SNX30: variants seen among roughly 807,000 people sequenced by gnomAD.
SNX30 encodes the protein sorting nexin-30.
A neutral mutation model predicts 46.4 loss-of-function variants in SNX30; 24 were observed. The observed-to-expected ratio is 0.52, with a 90% CI of 0.37 to 0.73. The LOEUF is 0.73. Ranked by LOEUF, SNX30 falls within the 30% of genes least tolerant of loss-of-function variation. SNX30 has a pLI of 0.00. For synonymous variants in SNX30, 189 were observed against 211.5 expected, an observed-to-expected ratio of 0.89 and a Z score of 0.92; for missense variants, 533 against 555.7, an observed-to-expected ratio of 0.96 and a Z score of 0.41.
Position 112,864,336 on chromosome 9 carries a change from G to T in SNX30, c.1191G>T (p.Lys397Asn). The T allele has an allele frequency of 6.2e-7, 1 of 1,614,216 alleles. No homozygotes were observed. Among genetic ancestry groups the T allele is most frequent in the Non-Finnish European group, 8.5e-7 (1 of 1,180,032 alleles). The change falls in exon 8 of 9, where the codon AAG (lysine) becomes AAT (asparagine). Residue 397 changes from lysine (K) to asparagine (N), a missense_variant. Around this residue, in one of 3 missense-constraint regions of SNX30, gnomAD observed 261 missense variants for 270.9 expected, o/e 0.96. Coordinates refer to ENST00000374232, the MANE Select transcript of SNX30 (RefSeq NM_001012994.2). The stretch of plus-strand genomic sequence containing the variant: ...ACATGGAGAGGTGGCAGAACAACAA[G>T]AGGCAGGACTTCCGGCAGCTACTCA... ...KADMERWQNNKRQDFRQLLMG... is the reference protein window; with the variant it reads ...KADMERWQNNNRQDFRQLLMG...
intron 3 of SNX30, among the ~76,000 whole-genome samples, chr9:112,825,157 A>AT (rs1164206624): frequency 1.3e-5 from 2 of 152,192 alleles, no homozygotes; most frequent in Admixed American, 1.3e-4. Flanking sequence ...TTTTTGAGGA[A>AT]TTGTTCAAAC....
intron 1 of SNX30, among the ~76,000 whole-genome samples, chr9:112,784,964 G>C (rs1839898950): frequency 6.6e-6 from 1 of 152,192 alleles, no homozygotes; most frequent in South Asian, 2.1e-4. Context: ...ATAAGTGTTT[G>C]GATGAATACA....
At chr9:112,763,137 G>A (rs1321995540) in intron 1 of SNX30, among the ~76,000 whole-genome samples, 4 of 151,830 alleles carry the variant, frequency 2.6e-5, no homozygotes, top group Non-Finnish European at 5.9e-5. Flanking sequence ...TATGGGTGGG[G>A]CACTGACAGC....
At chr9:112,776,096 G>GT (rs1360316434) in intron 1 of SNX30, among the ~76,000 whole-genome samples, 1 of 151,896 alleles carries the variant, frequency 6.6e-6, no homozygotes, top group African/African-American at 2.4e-5. Flanking sequence ...GGTATTTTAT[G>GT]TTTTTTGTTT....
At position 112,804,810 on chromosome 9, in the gene SNX30, G is replaced by T. The variant is rs767985222; in HGVS notation, c.191G>T (p.Gly64Val). 5 of 1,613,076 alleles carry T rather than the reference G, an allele frequency of 3.1e-6. No homozygotes were observed. ...TTGCCCAACGGTGGTACTCCAGCAG[G>T]TACTTCAAGTCCAGCTTCTTCATCT... ...LILPNGGTPA[G>V]TSSPASSSSL... Residue 64 changes from glycine (G) to valine (V), a missense_variant, in exon 2 of 9, where the codon GGT becomes GTT. Coordinates refer to ENST00000374232, the MANE Select transcript of SNX30 (RefSeq NM_001012994.2).
intron 7 of SNX30, among the ~76,000 whole-genome samples, chr9:112,854,937 C>T (rs764821461): frequency 5.9e-5 from 9 of 152,206 alleles, no homozygotes; most frequent in Non-Finnish European, 1.0e-4. Flanking sequence ...AGGAGTCTCC[C>T]GTGTCCACAC....
chr9:112,797,313 A>T (rs1840122261), intron 1 of SNX30, among the ~76,000 whole-genome samples: 1 of 152,224 alleles, frequency 6.6e-6, no homozygotes, highest in South Asian at 2.1e-4. Context: ...CTACCCTCCT[A>T]CCCACTACTC....
At position 112,818,430 on chromosome 9, in the gene SNX30, A is replaced by G. The variant is rs183007499; in HGVS notation, c.459+615A>G. 1.1e-4 allele frequency among the ~76,000 whole-genome samples: 17 copies of G among 152,252 alleles called. 1 individual carries two copies. The East Asian group carries it at 2.5e-3, about 23-fold the overall frequency. ...TTTTTAGTAGAGATGGGGTTTTGCC[A>G]TATTGGCCAGGCTGGTCTCGAACTC... On this transcript the variant is annotated intron_variant, in intron 3 of 8. Coordinates refer to ENST00000374232, the MANE Select transcript of SNX30 (RefSeq NM_001012994.2).
At chr9:112,789,159 C>T (rs1348978617) in intron 1 of SNX30, among the ~76,000 whole-genome samples, 1 of 152,156 alleles carries the variant, frequency 6.6e-6, no homozygotes, top group Non-Finnish European at 1.5e-5. Context: ...AAGGTGCATT[C>T]TGTCTTTGTA....
Position 112,874,103 on chromosome 9 carries a change from G to A in SNX30, c.*5260G>A, listed in dbSNP as rs988769715. 3.9e-5 allele frequency: 6 copies of A among 152,232 alleles called. No individual in the cohort carries two copies. Among genetic ancestry groups the A allele is most frequent in the Non-Finnish European group, 7.3e-5 (5 of 68,038 alleles). 9.4% of individuals were successfully genotyped at this position (152,232 alleles called of 1,614,324 possible). On this transcript the variant is annotated 3_prime_UTR_variant, in exon 9 of 9. Coordinates refer to ENST00000374232, the MANE Select transcript of SNX30 (RefSeq NM_001012994.2). ...AACACTTCAGTCAGAAATGTTACTG[G>A]GAGGAGGAAAGGAAAATCACTTTTT...
intron 2 of SNX30, among the ~76,000 whole-genome samples, chr9:112,809,034 T>G (rs903201207): frequency 1.3e-5 from 2 of 152,046 alleles, no homozygotes; most frequent in Admixed American, 6.6e-5. Flanking sequence ...TCCAGGTCTC[T>G]CTGATTCTAA....
Position 112,851,663 on chromosome 9 carries a change from G to A in SNX30, c.1101+718G>A, listed in dbSNP as rs111813653. Among the ~76,000 whole-genome samples, 959 of 152,286 alleles carry A rather than the reference G, an allele frequency of 6.3e-3. 4 individuals are homozygous for A. The highest frequency in any genetic ancestry group is 0.022 in the African/African-American group (910 of 41,554). On this transcript the variant is annotated intron_variant, in intron 7 of 8. Transcript: ENST00000374232. ...AATTGTAATGGAGAAAGAGTAATTC[G>A]TGCAGAACTAGCTTACTGGACACTG...
At chr9:112,848,815 G>T (rs1840979634) in intron 6 of SNX30, among the ~76,000 whole-genome samples, 1 of 152,214 alleles carries the variant, frequency 6.6e-6, no homozygotes, top group Admixed American at 6.5e-5. Context: ...TCTGTTTTGG[G>T]CATGGGGAGA....
At chr9:112,763,625 T>C (rs1349552062) in intron 1 of SNX30, among the ~76,000 whole-genome samples, 1 of 151,078 alleles carries the variant, frequency 6.6e-6, no homozygotes, top group Admixed American at 6.6e-5. Flanking sequence ...CCGAGGAGGG[T>C]GGATCACGAG....
intron 2 of SNX30, among the ~76,000 whole-genome samples, chr9:112,809,999 G>C (rs1840294372): frequency 6.6e-6 from 1 of 152,178 alleles, no homozygotes; most frequent in African/African-American, 2.4e-5. Context: ...TGGGAAGGCG[G>C]AGGAAGCTAG....
chr9:112,876,702 C>T (rs1841521012), downstream of SNX30, among the ~76,000 whole-genome samples: 1 of 151,798 alleles, frequency 6.6e-6, no homozygotes, highest in South Asian at 2.1e-4. Flanking sequence ...TTTGGGAGGT[C>T]GAGGCAGGTG....
intron 1 of SNX30, 34 bp from the exon 2 acceptor site, chr9:112,804,742 C>T (rs2131402260): frequency 6.5e-7 from 1 of 1,538,282 alleles, no homozygotes; most frequent in South Asian, 1.2e-5. Flanking sequence ...AGTATGTTTT[C>T]ATTTAATTTT....
intron 1 of SNX30, among the ~76,000 whole-genome samples, chr9:112,769,572 A>G (rs914487219): frequency 1.6e-4 from 25 of 151,962 alleles, no homozygotes; most frequent in African/African-American, 5.6e-4. Context: ...CTGGGATTCC[A>G]CTCACTGTTG....
rs778270657 is a variant in SNX30, at chr9:112,838,715, TTG to T, written c.1014+22_1014+23del. 8 of 1,608,046 alleles carry T rather than the reference TTG, an allele frequency of 5.0e-6. No individual in the cohort carries two copies. The highest frequency in any genetic ancestry group is 6.0e-6 in the Non-Finnish European group (7 of 1,175,074). On this transcript the variant is annotated intron_variant, in intron 6 of 8. Transcript: ENST00000374232. ...CCATGAAGGTAAGCTGGCTTGCTTCTTGTGTATTTGCATACTTTCTTTGTAAT... is the reference window on the plus strand; with the variant it reads ...CCATGAAGGTAAGCTGGCTTGCTTCTTGTATTTGCATACTTTCTTTGTAAT...
Sources: gnomAD v4.1 joint callset for allele counts (sites outside exome capture counted in the v4.1 genomes callset) on GRCh38, gnomAD v4.1.1 for gene constraint, gnomAD v4.1.1 regional missense constraint, MANE v1.5 for transcripts, NCBI Gene and HGNC (gene_info 2026-07-23, HGNC 2026-07-21) for gene names.